Variants in EFCAB14 observed in about 807,000 individuals in gnomAD.
The protein encoded by EFCAB14 is EF-hand calcium binding domain 14, also known as EF-hand calcium-binding domain-containing protein 14.
A neutral mutation model predicts 56.5 loss-of-function variants in EFCAB14; 43 were observed. The ratio of observed to expected loss-of-function variants is 0.76; its 90% CI spans 0.60 to 0.98. The LOEUF is 0.98. EFCAB14 is among the 50% of genes least tolerant of loss of function. The probability of loss-of-function intolerance (pLI) is 0.00; values close to 1 mark genes in which losing one functional copy is unlikely to be tolerated. For synonymous variants in EFCAB14, 235 were observed against 212.9 expected, an observed-to-expected ratio of 1.10 and a Z score of -0.90; for missense variants, 538 against 580.3, an observed-to-expected ratio of 0.93 and a Z score of 0.75.
intron 3 of EFCAB14, among the ~76,000 whole-genome samples, chr1:46,701,499 C>A (rs988134431): frequency 2.1e-4 from 32 of 152,226 alleles, no homozygotes; most frequent in African/African-American, 7.7e-4. Flanking sequence ...AAAAACTCTT[C>A]TTCCAGGTAC....
intron 3 of EFCAB14, among the ~76,000 whole-genome samples, chr1:46,705,137 T>C (rs532050161): frequency 7.0e-4 from 107 of 152,360 alleles, no homozygotes; most frequent in African/African-American, 2.5e-3. Context: ...CCATCAGAGA[T>C]GTGTAACATT....
rs767381891 is a variant in EFCAB14 at position 46,688,373 on chromosome 1, C to T, written c.967G>A (p.Ala323Thr). The T allele has an allele frequency of 2.5e-6, 4 of 1,613,868 alleles. No homozygotes were observed. The South Asian group carries it at 4.4e-5, about 18-fold the overall frequency. Residue 323 changes from alanine to threonine, a missense_variant, in exon 7 of 11, where the codon GCA (alanine) becomes ACA (threonine). Ala to Thr is a moderately conservative substitution (Grantham distance 58). Coordinates refer to ENST00000371933, the MANE Select transcript of EFCAB14 (RefSeq NM_014774.3). ...CTTACCATGCTGAAGGACAGGTTTG[C>T]TTTCTTTTCTACCTTGCTCATAGCA... ...VVAMSKVEKKANLSFSMMGDR... is the reference protein window; with the variant it reads ...VVAMSKVEKKTNLSFSMMGDR...
chr1:46,693,479 C>T (rs751944055), intron 4 of EFCAB14, among the ~76,000 whole-genome samples: 18 of 152,200 alleles, frequency 1.2e-4, no homozygotes, highest in Non-Finnish European at 2.2e-4. Context: ...GATAAACACA[C>T]AGATTTGCAA....
intron 10 of EFCAB14, 155 bp downstream of exon 10, chr1:46,683,145 A>G: frequency 2.5e-6 from 2 of 810,298 alleles, no homozygotes; most frequent in Non-Finnish European, 1.9e-6. Context: ...TGGGATGGTT[A>G]TCAGGATTAT....
At chr1:46,699,806 T>A (rs146013758) in intron 3 of EFCAB14, among the ~76,000 whole-genome samples, 2 of 152,312 alleles carry the variant, frequency 1.3e-5, no homozygotes, top group African/African-American at 4.8e-5. Context: ...CATAAGTAAC[T>A]TGCTTCTACA....
rs888532391 is a variant in EFCAB14, at chr1:46,680,387, C to T, written c.1313-1751G>A. Among the ~76,000 whole-genome samples, 5 of 152,104 alleles carry T rather than the reference C, an allele frequency of 3.3e-5. No homozygotes were observed. In the East Asian group the frequency reaches 5.8e-4, roughly 18 times the overall value. Reference sequence around the variant, plus strand: ...AATATTATTCAGCCATAAAAAGGAACGAAGTACTGATACATGCTCCAACAT... The same window carrying T: ...AATATTATTCAGCCATAAAAAGGAATGAAGTACTGATACATGCTCCAACAT... On this transcript the variant is annotated intron_variant, in intron 10 of 10. Coordinates refer to ENST00000371933, the MANE Select transcript of EFCAB14 (RefSeq NM_014774.3).
chr1:46,702,699 C>A lies in EFCAB14; in HGVS notation c.480+5207G>T, dbSNP rs117226418. ...ACCATCATCGTTATCATCATCATTGCCATCGTTTTCTTTATCATCATGCTT... is the reference window on the plus strand; with the variant it reads ...ACCATCATCGTTATCATCATCATTGACATCGTTTTCTTTATCATCATGCTT... On this transcript the variant is annotated intron_variant, in intron 3 of 10. Coordinates refer to ENST00000371933, the MANE Select transcript of EFCAB14 (RefSeq NM_014774.3). 1.1e-4 allele frequency among the ~76,000 whole-genome samples: 17 copies of A among 152,008 alleles called. No homozygotes were observed. In the East Asian group the frequency reaches 3.1e-3, roughly 28 times the overall value.
intron 3 of EFCAB14, among the ~76,000 whole-genome samples, chr1:46,705,421 A>G (rs1014706331): frequency 2.6e-5 from 4 of 152,226 alleles, no homozygotes; most frequent in African/African-American, 9.6e-5. Flanking sequence ...TATTTTGTCC[A>G]ATGTCATTTG....
intron 3 of EFCAB14, among the ~76,000 whole-genome samples, chr1:46,699,461 T>C (rs1677123131): frequency 6.6e-6 from 1 of 152,220 alleles, no homozygotes; most frequent in Admixed American, 6.5e-5. Context: ...TCAAGGACCA[T>C]GTCTCTTTTA....
In EFCAB14 at chr1:46,676,497, T is replaced by C. The variant is rs1676696615; in HGVS notation, c.*1964A>G. On this transcript the variant is annotated 3_prime_UTR_variant, in exon 11 of 11. Transcript: ENST00000371933. Reference sequence around the variant, plus strand: ...CTCAAGTATATTTCATATAAATCAGTTCTCAAAAAAATACCTTCCAGGTAC... The same window carrying C: ...CTCAAGTATATTTCATATAAATCAGCTCTCAAAAAAATACCTTCCAGGTAC... The C allele has an allele frequency of 6.6e-6, 1 of 152,600 alleles. No individual in the cohort carries two copies. The highest frequency in any genetic ancestry group is 2.4e-5 in the African/African-American group (1 of 41,438). 9.5% of individuals were successfully genotyped at this position (152,600 alleles called of 1,614,324 possible). A position where few individuals can be genotyped will look rare whatever the true frequency, so the allele number is the denominator to read the frequency against.
In EFCAB14 at chr1:46,716,193, G is replaced by A. The variant is rs150036790; in HGVS notation, c.334+102C>T. ...GAACCTGGGTGGCGGATGTTGCAGTGAGCCGAGATTGCGCCACTGTACTCC... is the reference window on the plus strand; with the variant it reads ...GAACCTGGGTGGCGGATGTTGCAGTAAGCCGAGATTGCGCCACTGTACTCC... On this transcript the variant is annotated intron_variant, in intron 2 of 10. Transcript: ENST00000371933. The A allele has an allele frequency of 5.5e-4, 710 of 1,294,650 alleles. 4 individuals carry two copies. Among genetic ancestry groups the A allele is most frequent in the Non-Finnish European group, 1.9e-5 (18 of 972,424 alleles). 80.2% of individuals were successfully genotyped at this position (1,294,650 alleles called of 1,614,324 possible).
rs3991763 is a variant in EFCAB14, at chr1:46,700,986, A to AGT, written c.481-4339_481-4338dup. The stretch of plus-strand genomic sequence containing the variant: ...GAGAGAGAGAGAGAGAGAGTGAGTG[A>AGT]GTGTGTGTGTGTGTGTGTGTGTGTG... On this transcript the variant is annotated intron_variant, in intron 3 of 10. Coordinates refer to ENST00000371933, the MANE Select transcript of EFCAB14 (RefSeq NM_014774.3). Among the ~76,000 whole-genome samples, 1,116 of 142,912 alleles carry AGT rather than the reference A, an allele frequency of 7.8e-3. 18 individuals carry two copies. Among genetic ancestry groups the AGT allele is most frequent in the African/African-American group, 0.026 (1,005 of 38,818 alleles). 93.8% of individuals were successfully genotyped at this position (142,912 alleles called of 152,430 possible).
At chr1:46,699,329 C>G (rs1297691482) in intron 3 of EFCAB14, among the ~76,000 whole-genome samples, 1 of 152,164 alleles carries the variant, frequency 6.6e-6, no homozygotes, top group African/African-American at 2.4e-5. Flanking sequence ...GGATAGGGAA[C>G]ACAGTATGAA....
intron 9 of EFCAB14, among the ~76,000 whole-genome samples, chr1:46,683,750 A>C (rs530177474): frequency 7.7e-4 from 118 of 152,318 alleles, no homozygotes; most frequent in African/African-American, 2.8e-3. Context: ...TGGATATCAA[A>C]GATCTTGACA....
In EFCAB14 at chr1:46,683,283, G is replaced by A. The variant is rs1236190981; in HGVS notation, c.1312+17C>T. 4.1e-5 allele frequency: 66 copies of A among 1,609,382 alleles called. No homozygotes were observed. Among genetic ancestry groups the A allele is most frequent in the Admixed American group, 6.8e-5 (4 of 59,018 alleles). Reference sequence around the variant, plus strand: ...CTTTGAACATTCCCATTACTACCCCGTGGTATAAAAATTTACCTTCAGTGC... The same window carrying A: ...CTTTGAACATTCCCATTACTACCCCATGGTATAAAAATTTACCTTCAGTGC... On this transcript the variant is annotated intron_variant, in intron 10 of 10. Coordinates refer to ENST00000371933, the MANE Select transcript of EFCAB14 (RefSeq NM_014774.3).
intron 4 of EFCAB14, among the ~76,000 whole-genome samples, chr1:46,694,485 T>C (rs1335407140): frequency 6.6e-6 from 1 of 152,190 alleles, no homozygotes; most frequent in Non-Finnish European, 1.5e-5. Context: ...AAAATGCTCA[T>C]CATCACTGGC....
At chr1:46,701,330 A>G (rs973298838) in intron 3 of EFCAB14, among the ~76,000 whole-genome samples, 1 of 152,130 alleles carries the variant, frequency 6.6e-6, no homozygotes, top group Non-Finnish European at 1.5e-5. Context: ...GCCCCAAAGT[A>G]TGTACACAGT....
chr1:46,699,297 G>A (rs1346837105), intron 3 of EFCAB14, among the ~76,000 whole-genome samples: 1 of 152,198 alleles, frequency 6.6e-6, no homozygotes, highest in Non-Finnish European at 1.5e-5. Flanking sequence ...TTCTAGGTTA[G>A]AAGGGTGAGG....
At chr1:46,702,791 A>C (rs1050398878) in intron 3 of EFCAB14, among the ~76,000 whole-genome samples, 1 of 152,064 alleles carries the variant, frequency 6.6e-6, no homozygotes, top group Non-Finnish European at 1.5e-5. Context: ...GCATCACATA[A>C]GGTATTTGGA....
Sources: allele counts gnomAD v4.1 joint callset (sites outside exome capture counted in the v4.1 genomes callset), GRCh38; gene constraint gnomAD v4.1.1; transcripts MANE v1.5; gene names NCBI Gene and HGNC (gene_info 2026-07-23, HGNC 2026-07-21).